NOL4: variants seen among roughly 807,000 people sequenced by gnomAD.
The protein encoded by NOL4 is cancer/testis antigen 125.
In NOL4, 17 loss-of-function variants were observed where a neutral mutation model predicts 75.9. The observed-to-expected ratio is 0.22, with a 90% CI of 0.15 to 0.34. The LOEUF is 0.34. Ranked by LOEUF, NOL4 falls within the 10% of genes least tolerant of loss-of-function variation. The pLI is 1.00. For synonymous variants in NOL4, 292 were observed against 289.9 expected (o/e 1.01, Z -0.07); for missense variants, 614 against 793.5 (o/e 0.77, Z 2.72).
chr18:34,040,203 C>T (rs571999600), intron 5 of NOL4, among the ~76,000 whole-genome samples: 156 of 151,890 alleles, frequency 1.0e-3, no homozygotes, highest in African/African-American at 3.1e-3. Flanking sequence ...AGGTACATAC[C>T]GAACTGTTAA....
At chr18:34,222,882 A>G (rs2037422254) in intron 1 of NOL4, 108 bp downstream of exon 1, 1 of 1,446,346 alleles carries the variant, frequency 6.9e-7, no homozygotes, top group African/African-American at 1.4e-5. Context: ...TAGGGGGCAC[A>G]CGAGCCAACG....
chr18:34,112,291 C>T (rs1389709422), intron 2 of NOL4, among the ~76,000 whole-genome samples: 1 of 151,916 alleles, frequency 6.6e-6, no homozygotes, highest in African/African-American at 2.4e-5. Flanking sequence ...ATCACTTGAA[C>T]CCGGGAGGCA....
intron 9 of NOL4, among the ~76,000 whole-genome samples, chr18:33,925,556 A>G (rs574290256): frequency 1.3e-5 from 2 of 152,316 alleles, no homozygotes; most frequent in South Asian, 4.1e-4. Flanking sequence ...TAAAAATGCA[A>G]TTAAATTAAA....
intron 9 of NOL4, among the ~76,000 whole-genome samples, chr18:33,896,168 A>G (rs2144901456): frequency 6.6e-6 from 1 of 152,274 alleles, no homozygotes; most frequent in East Asian, 1.9e-4. Context: ...AAACAAATGG[A>G]AAAACTTCTC....
intron 1 of NOL4, 130 bp downstream of exon 1, chr18:34,222,860 G>A (rs1042059789): frequency 5.3e-5 from 64 of 1,219,034 alleles, no homozygotes; most frequent in Non-Finnish European, 7.0e-5. Flanking sequence ...TTGGGGAGGG[G>A]GTTGAGGAAG....
intron 6 of NOL4, among the ~76,000 whole-genome samples, chr18:33,991,404 A>G (rs1463489483): frequency 6.6e-6 from 1 of 152,106 alleles, no homozygotes. Context: ...AATAAACTAA[A>G]TGTTTTTATT....
At chr18:34,109,286 G>A (rs1465611808) in intron 2 of NOL4, among the ~76,000 whole-genome samples, 1 of 152,080 alleles carries the variant, frequency 6.6e-6, no homozygotes, top group African/African-American at 2.4e-5. Flanking sequence ...TGAAAAGGAA[G>A]GATCATTTGA....
chr18:34,021,986 C>G (rs2075068801), intron 5 of NOL4, among the ~76,000 whole-genome samples: 1 of 151,904 alleles, frequency 6.6e-6, no homozygotes, highest in Non-Finnish European at 1.5e-5. Flanking sequence ...TGCCTGTAAT[C>G]TCAGCTACTC....
chr18:34,120,311 T>C (rs773356485), intron 2 of NOL4, among the ~76,000 whole-genome samples: 2 of 152,184 alleles, frequency 1.3e-5, no homozygotes, highest in Non-Finnish European at 2.9e-5. Context: ...CAGGTATACA[T>C]ACATTTTACA....
At chr18:33,869,341 T>C (rs912120954) in intron 10 of NOL4, among the ~76,000 whole-genome samples, 13 of 152,052 alleles carry the variant, frequency 8.5e-5, no homozygotes, top group South Asian at 2.1e-4. Context: ...AACTTACGTA[T>C]TAAGAAGATG....
chr18:34,223,709 G>A lies in NOL4; in HGVS notation c.-456C>T, dbSNP rs1239086436. ...AGGTGGAGCGCAGCGCCGCCTCCCC[G>A]CGCGCGCCCCAGAAGCTTCCCCAGC... On this transcript the variant is annotated 5_prime_UTR_variant, in exon 1 of 11. Transcript: ENST00000261592. Among the ~76,000 whole-genome samples the A allele has an allele frequency of 6.6e-6, 1 of 152,066 alleles. No homozygotes were observed. The highest frequency in any genetic ancestry group is 1.5e-5 in the Non-Finnish European group (1 of 68,000).
At chr18:33,969,948 G>C (rs547196543) in intron 6 of NOL4, among the ~76,000 whole-genome samples, 1 of 152,086 alleles carries the variant, frequency 6.6e-6, no homozygotes, top group African/African-American at 2.4e-5. Flanking sequence ...TGTTTTTCAA[G>C]ATATTGTCTG....
chr18:34,136,521 G>A (rs998432748), intron 1 of NOL4, among the ~76,000 whole-genome samples: 2 of 151,930 alleles, frequency 1.3e-5, no homozygotes, highest in African/African-American at 2.4e-5. Flanking sequence ...AAAATCAATT[G>A]TAGTTTTTAT....
intron 9 of NOL4, among the ~76,000 whole-genome samples, chr18:33,903,863 C>CT (rs977905852): frequency 2.0e-5 from 3 of 152,114 alleles, no homozygotes; most frequent in African/African-American, 7.2e-5. Context: ...AAACATACTG[C>CT]TGTTAAAGTT....
intron 2 of NOL4, among the ~76,000 whole-genome samples, chr18:34,119,554 C>G (rs1344882768): frequency 1.3e-5 from 2 of 152,202 alleles, no homozygotes; most frequent in Non-Finnish European, 2.9e-5. Context: ...ACCCGTTCAT[C>G]TACCCTTCCC....
At chr18:33,907,407 T>C (rs1218348111) in intron 9 of NOL4, among the ~76,000 whole-genome samples, 1 of 151,806 alleles carries the variant, frequency 6.6e-6, no homozygotes, top group African/African-American at 2.4e-5. Context: ...TATCTTCCCT[T>C]GAAGATAAAC....
intron 5 of NOL4, among the ~76,000 whole-genome samples, chr18:34,045,218 G>A (rs2076311678): frequency 1.3e-5 from 2 of 152,006 alleles, no homozygotes; most frequent in African/African-American, 4.8e-5. Context: ...CCGTGAGCCT[G>A]GGCTGTCAAA....
At chr18:34,050,294 AAT>A (rs2076575189) in intron 5 of NOL4, among the ~76,000 whole-genome samples, 1 of 152,074 alleles carries the variant, frequency 6.6e-6, no homozygotes. Context: ...GGAAAAAAAA[AAT>A]TCACTCTCAT....
chr18:34,171,763 A>C (rs1360111413), intron 1 of NOL4, among the ~76,000 whole-genome samples: 1 of 152,182 alleles, frequency 6.6e-6, no homozygotes, highest in East Asian at 1.9e-4. Context: ...GGAAAGTCAG[A>C]AACTTTGAGT....
Sources: allele counts gnomAD v4.1 joint callset (sites outside exome capture counted in the v4.1 genomes callset), GRCh38; gene constraint gnomAD v4.1.1; transcripts MANE v1.5; gene names NCBI Gene and HGNC (gene_info 2026-07-23, HGNC 2026-07-21).